The following TTC29 variants were observed in gnomAD, a reference collection of about 807,000 sequenced individuals.
TTC29 encodes tetratricopeptide repeat domain 29, also known as tetratricopeptide repeat protein 29.
A neutral mutation model predicts 58.1 loss-of-function variants in TTC29; 49 were observed. That is an observed-to-expected ratio of 0.84 (90% CI 0.67 to 1.07). The LOEUF (loss-of-function observed/expected upper bound fraction) is 1.07, where lower values mean the gene tolerates loss of function less well. TTC29 is among the 50% of genes least tolerant of loss of function. The pLI is 0.00. For synonymous variants in TTC29, 209 were observed against 196.8 expected, an observed-to-expected ratio of 1.06 and a Z score of -0.52; for missense variants, 582 against 555.6, an observed-to-expected ratio of 1.05 and a Z score of -0.48.
At chr4:146,752,418 A>G (rs544116723) in intron 11 of TTC29, among the ~76,000 whole-genome samples, 1 of 148,958 alleles carries the variant, frequency 6.7e-6, no homozygotes, top group East Asian at 2.0e-4. Flanking sequence ...AAACAAATGG[A>G]AGAACATTCC....
At chr4:146,813,224 C>A (rs1751143751) in intron 10 of TTC29, among the ~76,000 whole-genome samples, 1 of 152,196 alleles carries the variant, frequency 6.6e-6, no homozygotes, top group Admixed American at 6.5e-5. Context: ...TACCCATTTT[C>A]CCTATAATTT....
chr4:146,914,492 T>A (rs867958477), intron 4 of TTC29, among the ~76,000 whole-genome samples: 3 of 152,182 alleles, frequency 2.0e-5, no homozygotes, highest in Middle Eastern at 6.8e-3. Flanking sequence ...TGATACTGGA[T>A]GAAAATAGAG....
rs535366504 is a variant in TTC29, at chr4:146,712,411, G to T, written c.1331-4860C>A. On this transcript the variant is annotated intron_variant, in intron 11 of 12. Coordinates refer to ENST00000325106, the MANE Select transcript of TTC29 (RefSeq NM_031956.4). ...AGCTGTGTTCCCAGGAGTGATGATG[G>T]ATTGACATAGACTCATGTGTGCTCT... 3.4e-4 allele frequency among the ~76,000 whole-genome samples: 52 copies of T among 152,232 alleles called. No homozygotes were observed. In the South Asian group the frequency reaches 0.011, roughly 32 times the overall value.
intron 11 of TTC29, among the ~76,000 whole-genome samples, chr4:146,774,496 G>A (rs1315985901): frequency 6.6e-6 from 1 of 152,072 alleles, no homozygotes; most frequent in Non-Finnish European, 1.5e-5. Context: ...AGTCATTCAG[G>A]AGCAGGTTAA....
chr4:146,858,040 C>A (rs1729984608), intron 8 of TTC29, among the ~76,000 whole-genome samples: 1 of 152,180 alleles, frequency 6.6e-6, no homozygotes, highest in South Asian at 2.1e-4. Context: ...ATACTACCTA[C>A]TACAGTATCA....
rs1413741323 is a variant in TTC29, at chr4:146,945,087, AG to A, written c.-53-11del. 2.0e-5 allele frequency: 3 copies of A among 152,240 alleles called. No homozygotes were observed. The highest frequency in any genetic ancestry group is 2.9e-5 in the Non-Finnish European group (2 of 68,036). The allele number at this position is 152,240 out of a possible 1,614,324, so 9.4% of individuals were successfully genotyped here. ...GCTTATAGACTTCAGCCTGAAAATC[AG>A]GAAGCAAAGAATAATAGCAAAGAAG... On this transcript the variant is annotated splice_polypyrimidine_tract_variant and intron_variant, in intron 1 of 12. Transcript: ENST00000325106.
chr4:146,930,677 TC>T (rs1735272488), intron 4 of TTC29, among the ~76,000 whole-genome samples: 1 of 152,188 alleles, frequency 6.6e-6, no homozygotes, highest in Non-Finnish European at 1.5e-5. Context: ...TTTTTAATCT[TC>T]CCTGTTTTCT....
intron 4 of TTC29, among the ~76,000 whole-genome samples, chr4:146,937,037 T>G (rs1035896976): frequency 2.6e-5 from 4 of 152,064 alleles, no homozygotes; most frequent in Admixed American, 2.0e-4. Context: ...ATTTTTGTAC[T>G]GCTTTTATTC....
intron 11 of TTC29, among the ~76,000 whole-genome samples, chr4:146,733,491 T>C (rs1197100866): frequency 6.6e-6 from 1 of 152,156 alleles, no homozygotes; most frequent in East Asian, 1.9e-4. Flanking sequence ...AAATATAATA[T>C]GGTAACACTT....
intron 11 of TTC29, among the ~76,000 whole-genome samples, chr4:146,803,092 T>A (rs12511630): frequency 0.38 from 57,253 of 151,954 alleles, 11,761 homozygotes; most frequent in African/African-American, 0.51. Flanking sequence ...AGCATTCATC[T>A]ACAGTCACTC....
At chr4:146,747,046 G>C (rs1282339642) in intron 11 of TTC29, among the ~76,000 whole-genome samples, 1 of 152,058 alleles carries the variant, frequency 6.6e-6, no homozygotes, top group Non-Finnish European at 1.5e-5. Context: ...CTTAGAACCA[G>C]TAGAAACTTC....
intron 8 of TTC29, among the ~76,000 whole-genome samples, chr4:146,852,818 T>C (rs530820024): frequency 3.3e-5 from 5 of 152,344 alleles, no homozygotes; most frequent in African/African-American, 9.6e-5. Flanking sequence ...TTTTTGATCA[T>C]AGGGACTTTG....
intron 6 of TTC29, among the ~76,000 whole-genome samples, chr4:146,877,141 T>C (rs1731319460): frequency 6.6e-6 from 1 of 152,056 alleles, no homozygotes; most frequent in Admixed American, 6.6e-5. Flanking sequence ...TCTTGTTACA[T>C]AAACAAGTGT....
At chr4:146,888,417 G>T (rs1732133715) in intron 6 of TTC29, among the ~76,000 whole-genome samples, 1 of 152,118 alleles carries the variant, frequency 6.6e-6, no homozygotes, top group South Asian at 2.1e-4. Flanking sequence ...CTGCAGCCCT[G>T]GGCTTCCTAT....
chr4:146,718,021 A>G (rs765368986), intron 11 of TTC29, among the ~76,000 whole-genome samples: 3 of 152,136 alleles, frequency 2.0e-5, no homozygotes, highest in African/African-American at 4.8e-5. Flanking sequence ...TTCATTTAGT[A>G]TACTATTCTC....
rs1751901227 is a variant in TTC29 at position 146,822,280 on chromosome 4, T to A, written c.978-2032A>T. ...CCCTGGTGTGTGTTGTTCTCCTTTC[T>A]GTGTCCTTGTGTTCTTAGTGTTCAA... On this transcript the variant is annotated intron_variant, in intron 9 of 12. Coordinates refer to ENST00000325106, the MANE Select transcript of TTC29 (RefSeq NM_031956.4). 1.3e-5 allele frequency among the ~76,000 whole-genome samples: 2 copies of A among 152,136 alleles called. 1 individual carries two copies. Among genetic ancestry groups the A allele is most frequent in the Non-Finnish European group, 2.9e-5 (2 of 68,036 alleles).
chr4:146,731,549 G>C (rs532060131), intron 11 of TTC29, among the ~76,000 whole-genome samples: 1 of 152,124 alleles, frequency 6.6e-6, no homozygotes, highest in Non-Finnish European at 1.5e-5. Flanking sequence ...GAGGAAGAAA[G>C]AGGGACAAAG....
intron 11 of TTC29, among the ~76,000 whole-genome samples, chr4:146,793,951 G>A (rs548520414): frequency 6.6e-6 from 1 of 152,226 alleles, no homozygotes; most frequent in Admixed American, 6.5e-5. Flanking sequence ...GGGCCTCAGG[G>A]CATGGTCATC....
chr4:146,904,514 T>G (rs1351808570), intron 5 of TTC29, among the ~76,000 whole-genome samples: 2 of 152,178 alleles, frequency 1.3e-5, no homozygotes, highest in Admixed American at 6.5e-5. Context: ...CCCACTGTGA[T>G]AGTAAACCTG....
Sources: allele counts gnomAD v4.1 joint callset (sites outside exome capture counted in the v4.1 genomes callset), GRCh38; gene constraint gnomAD v4.1.1; transcripts MANE v1.5; gene names NCBI Gene and HGNC (gene_info 2026-07-23, HGNC 2026-07-21).